Variants in EFNA5 observed in about 807,000 individuals in gnomAD.
The protein encoded by EFNA5 is ephrin-A5.
A neutral mutation model predicts 22.9 loss-of-function variants in EFNA5; 5 were observed. The observed-to-expected ratio is 0.22, with a 90% CI of 0.11 to 0.46. EFNA5 has a LOEUF of 0.46. Ranked by LOEUF, EFNA5 falls within the 20% of genes least tolerant of loss-of-function variation. The pLI is 0.99. For missense variants in EFNA5, 237 were observed against 293.3 expected (o/e 0.81, Z 1.40); for synonymous variants, 113 against 112.2 (o/e 1.01, Z -0.04).
At chr5:107,551,852 CATG>C (rs1748305200) in intron 1 of EFNA5, among the ~76,000 whole-genome samples, 2 of 151,772 alleles carry the variant, frequency 1.3e-5, no homozygotes, top group African/African-American at 4.8e-5. Context: ...TCTCCTAGGA[CATG>C]ATAATTCTTT....
chr5:107,643,789 G>A (rs1750575062), intron 1 of EFNA5, among the ~76,000 whole-genome samples: 1 of 151,874 alleles, frequency 6.6e-6, no homozygotes, highest in African/African-American at 2.4e-5. Context: ...TGTTTTATCA[G>A]CTTAAGCTTT....
intron 1 of EFNA5, among the ~76,000 whole-genome samples, chr5:107,522,286 C>G (rs192142200): frequency 9.9e-4 from 151 of 152,310 alleles, no homozygotes; most frequent in African/African-American, 3.4e-3. Context: ...TTTTGTGATA[C>G]AAGGAAATGT....
chr5:107,614,771 C>T (rs780197967), intron 1 of EFNA5, among the ~76,000 whole-genome samples: 1 of 152,018 alleles, frequency 6.6e-6, no homozygotes, highest in Non-Finnish European at 1.5e-5. Context: ...CATATTAAAG[C>T]AAGAAAGGCA....
At chr5:107,458,519 C>T (rs547903470) in intron 1 of EFNA5, among the ~76,000 whole-genome samples, 1 of 151,508 alleles carries the variant, frequency 6.6e-6, no homozygotes, top group Non-Finnish European at 1.5e-5. Context: ...ATGAGGAAAC[C>T]AAAAGGTACA....
intron 1 of EFNA5, among the ~76,000 whole-genome samples, chr5:107,636,777 A>C (rs1270364227): frequency 6.6e-6 from 1 of 152,028 alleles, no homozygotes; most frequent in Non-Finnish European, 1.5e-5. Context: ...AAAGAGTGAA[A>C]CATGGGCAAA....
At chr5:107,419,601 C>A (rs1748600676) in intron 2 of EFNA5, among the ~76,000 whole-genome samples, 1 of 152,124 alleles carries the variant, frequency 6.6e-6, no homozygotes, top group Non-Finnish European at 1.5e-5. Flanking sequence ...CATATGTATT[C>A]TCTTCCCTTT....
intron 1 of EFNA5, among the ~76,000 whole-genome samples, chr5:107,637,699 T>C (rs1217591947): frequency 6.7e-6 from 1 of 148,576 alleles, no homozygotes; most frequent in Non-Finnish European, 1.5e-5. Context: ...AGTTTAAATT[T>C]AAAAGCCCCT....
intron 1 of EFNA5, among the ~76,000 whole-genome samples, chr5:107,658,636 C>T (rs1278531260): frequency 1.3e-5 from 2 of 152,136 alleles, no homozygotes; most frequent in Non-Finnish European, 2.9e-5. Context: ...AACCAAGAGT[C>T]CTTGAAGAAG....
Position 107,381,128 on chromosome 5 carries a change from A to C in EFNA5, c.*127T>G. 1 of 1,367,110 alleles carries C rather than the reference A, an allele frequency of 7.3e-7. No individual in the cohort carries two copies. The highest frequency in any genetic ancestry group is 2.3e-5 in the Admixed American group (1 of 42,970). 84.7% of individuals were successfully genotyped at this position (1,367,110 alleles called of 1,614,324 possible). A position where few individuals can be genotyped will look rare whatever the true frequency, so the allele number is the denominator to read the frequency against. On this transcript the variant is annotated 3_prime_UTR_variant, in exon 5 of 5. Transcript: ENST00000333274. ...TTGCTTAGAATTCAGGCTGAAAGAA[A>C]GAAAACAAAAATCTGACATCTGCCA...
intron 1 of EFNA5, among the ~76,000 whole-genome samples, chr5:107,609,002 T>G (rs767781595): frequency 6.6e-6 from 1 of 152,214 alleles, no homozygotes; most frequent in Non-Finnish European, 1.5e-5. Context: ...GCTCTCTTCA[T>G]CTACTGAATT....
chr5:107,434,276 G>A (rs182671155), intron 1 of EFNA5, among the ~76,000 whole-genome samples: 3 of 152,202 alleles, frequency 2.0e-5, no homozygotes, highest in Non-Finnish European at 2.9e-5. Context: ...ATACCACCTC[G>A]CTTTTCTTCC....
intron 1 of EFNA5, among the ~76,000 whole-genome samples, chr5:107,552,102 G>T (rs920398161): frequency 2.6e-5 from 4 of 151,828 alleles, no homozygotes; most frequent in African/African-American, 4.8e-5. Context: ...AAATTCTGGC[G>T]TTAGCAGAGT....
chr5:107,511,415 G>A (rs1441792660), intron 1 of EFNA5, among the ~76,000 whole-genome samples: 1 of 152,076 alleles, frequency 6.6e-6, no homozygotes, highest in East Asian at 1.9e-4. Context: ...AAAGTAAATG[G>A]ATGTATGGAA....
chr5:107,399,251 G>C (rs570044933), intron 2 of EFNA5, among the ~76,000 whole-genome samples: 1 of 151,642 alleles, frequency 6.6e-6, no homozygotes, highest in East Asian at 1.9e-4. Context: ...TCAGAAGTTT[G>C]AGACCAGCCT....
chr5:107,492,964 C>T (rs1266400459), intron 1 of EFNA5, among the ~76,000 whole-genome samples: 1 of 150,028 alleles, frequency 6.7e-6, no homozygotes, highest in Non-Finnish European at 1.5e-5. Flanking sequence ...CGCCACTGCA[C>T]TCCAGCCTGG....
At chr5:107,385,830 T>C (rs1747598298) in intron 4 of EFNA5, among the ~76,000 whole-genome samples, 1 of 152,150 alleles carries the variant, frequency 6.6e-6, no homozygotes, top group Non-Finnish European at 1.5e-5. Flanking sequence ...CATGTCAGCA[T>C]TCATTCCTTA....
intron 1 of EFNA5, among the ~76,000 whole-genome samples, chr5:107,435,850 A>G (rs1000507641): frequency 6.6e-6 from 1 of 152,212 alleles, no homozygotes; most frequent in African/African-American, 2.4e-5. Flanking sequence ...TTGCACGTGC[A>G]TGTTTTGATA....
chr5:107,549,804 T>C (rs756468147), intron 1 of EFNA5, among the ~76,000 whole-genome samples: 5 of 152,242 alleles, frequency 3.3e-5, no homozygotes, highest in Non-Finnish European at 7.3e-5. Flanking sequence ...GAGTTCTGGC[T>C]CTGGCCATGA....
intron 1 of EFNA5, among the ~76,000 whole-genome samples, chr5:107,444,874 GAATA>G (rs1749349944): frequency 1.3e-5 from 2 of 152,042 alleles, no homozygotes; most frequent in South Asian, 4.1e-4. Context: ...GCTTCATTGG[GAATA>G]TATATACATA....
Sources: gnomAD v4.1 joint callset for allele counts (sites outside exome capture counted in the v4.1 genomes callset) on GRCh38, gnomAD v4.1.1 for gene constraint, MANE v1.5 for transcripts, NCBI Gene and HGNC (gene_info 2026-07-23, HGNC 2026-07-21) for gene names.